LIPG: variants seen among roughly 807,000 people sequenced by gnomAD.
LIPG encodes the protein endothelial lipase.
A neutral mutation model predicts 51.8 loss-of-function variants in LIPG; 34 were observed. That is an observed-to-expected ratio of 0.66 (90% CI 0.50 to 0.87). The LOEUF (loss-of-function observed/expected upper bound fraction) is 0.87. LIPG is among the 40% of genes least tolerant of loss of function. The probability of loss-of-function intolerance (pLI) is 0.00; values close to 1 mark genes in which losing one functional copy is unlikely to be tolerated. For missense variants in LIPG, 580 were observed against 652.7 expected, an observed-to-expected ratio of 0.89 and a Z score of 1.21; for synonymous variants, 246 against 246.1, an observed-to-expected ratio of 1.00 and a Z score of 0.00.
intron 4 of LIPG, among the ~76,000 whole-genome samples, chr18:49,572,845 G>A (rs902739682): frequency 6.6e-6 from 1 of 152,130 alleles, no homozygotes; most frequent in Non-Finnish European, 1.5e-5. Flanking sequence ...TGCTCCATTT[G>A]CTGGACAAAG....
chr18:49,579,932 C>T (rs537035685), intron 5 of LIPG, among the ~76,000 whole-genome samples: 1 of 152,100 alleles, frequency 6.6e-6, no homozygotes, highest in Non-Finnish European at 1.5e-5. Flanking sequence ...CCTGCTTCAG[C>T]CTCCCAAGTA....
chr18:49,575,191 G>T (rs1175638210), intron 4 of LIPG, among the ~76,000 whole-genome samples, 178 bp from the exon 5 acceptor site: 1 of 152,152 alleles, frequency 6.6e-6, no homozygotes, highest in East Asian at 1.9e-4. Flanking sequence ...GATGTCTTGG[G>T]GTCAACTGCA....
At chr18:49,566,452 G>A (rs1004222250) in intron 2 of LIPG, among the ~76,000 whole-genome samples, 1 of 152,196 alleles carries the variant, frequency 6.6e-6, no homozygotes, top group African/African-American at 2.4e-5. Flanking sequence ...ACTTGGAACA[G>A]CAGTTTCCCA....
chr18:49,590,209 A>C, intron 9 of LIPG: 78 of 345,438 alleles, frequency 2.3e-4, no homozygotes, highest in East Asian at 5.3e-4. Context: ...GTGTGTGTGT[A>C]TGTTGTGGGT....
chr18:49,563,714 G>C (rs1446805915), intron 1 of LIPG, among the ~76,000 whole-genome samples: 1 of 152,022 alleles, frequency 6.6e-6, no homozygotes, highest in Non-Finnish European at 1.5e-5. Flanking sequence ...AGAGCTGAAG[G>C]GGGTGAGAGA....
intron 8 of LIPG, among the ~76,000 whole-genome samples, chr18:49,585,060 T>G (rs1354442748): frequency 6.6e-6 from 1 of 152,194 alleles, no homozygotes; most frequent in South Asian, 2.1e-4. Context: ...TTTATACACT[T>G]TGTACTTACT....
At chr18:49,561,846 A>C, upstream of LIPG, 7 of 1,254,178 alleles carry the variant, frequency 5.6e-6, no homozygotes, top group Non-Finnish European at 7.0e-6. Context: ...CTGCCTGCGG[A>C]GCGGGCCCGG....
chr18:49,582,685 G>A (rs555817066), intron 7 of LIPG, among the ~76,000 whole-genome samples: 14 of 152,306 alleles, frequency 9.2e-5, no homozygotes, highest in African/African-American at 2.9e-4. Flanking sequence ...TCAGCGTTTC[G>A]GGGAGAAAAG....
chr18:49,577,954 G>T (rs59677798), intron 5 of LIPG, among the ~76,000 whole-genome samples: 3 of 120,216 alleles, frequency 2.5e-5, no homozygotes, highest in Admixed American at 2.3e-4. Context: ...TGGACGGGGC[G>T]GCTGGCCGGG....
At chr18:49,582,832 C>A (rs763012776) in intron 7 of LIPG, among the ~76,000 whole-genome samples, 1 of 152,240 alleles carries the variant, frequency 6.6e-6, no homozygotes, top group East Asian at 1.9e-4. Context: ...CATCCCTGGA[C>A]CTCTCCTAAT....
In LIPG at chr18:49,591,821, G is replaced by A. The variant is rs995021441; in HGVS notation, c.*1299G>A. 1 of 152,202 alleles carries A rather than the reference G, an allele frequency of 6.6e-6. No homozygotes were observed. Among genetic ancestry groups the A allele is most frequent in the African/African-American group, 2.4e-5 (1 of 41,448 alleles). The allele number at this position is 152,202 out of a possible 1,614,324, so 9.4% of individuals were successfully genotyped here. ...CCCTATTTTACAAAACTGAGGCTTA[G>A]TGAGGTTCAGCCACATGCCTAGACT... On this transcript the variant is annotated 3_prime_UTR_variant, in exon 10 of 10. Coordinates refer to ENST00000261292, the MANE Select transcript of LIPG (RefSeq NM_006033.4).
intron 8 of LIPG, among the ~76,000 whole-genome samples, chr18:49,586,387 G>A (rs1223108036): frequency 6.6e-6 from 1 of 152,190 alleles, no homozygotes; most frequent in Non-Finnish European, 1.5e-5. Context: ...ATTTATATAA[G>A]GACATACTTT....
intron 8 of LIPG, 115 bp from the exon 9 acceptor site, chr18:49,586,631 G>A: frequency 1.3e-6 from 1 of 753,914 alleles, no homozygotes; most frequent in Non-Finnish European, 2.4e-6. Flanking sequence ...TTTGAGTCGG[G>A]GCATGGCATG....
intron 9 of LIPG, among the ~76,000 whole-genome samples, chr18:49,588,857 A>G (rs1288017747): frequency 6.6e-6 from 1 of 152,104 alleles, no homozygotes; most frequent in Non-Finnish European, 1.5e-5. Flanking sequence ...TGCTCTAACA[A>G]GGGTACTAGA....
chr18:49,573,789 G>A (rs924998068), intron 4 of LIPG, among the ~76,000 whole-genome samples: 15 of 152,124 alleles, frequency 9.9e-5, no homozygotes, highest in East Asian at 1.9e-4. Context: ...GAACACGGTC[G>A]TTAACCATGT....
intron 8 of LIPG, among the ~76,000 whole-genome samples, chr18:49,584,148 T>A (rs1011690045): frequency 6.6e-6 from 1 of 152,166 alleles, no homozygotes; most frequent in East Asian, 1.9e-4. Context: ...AGGCTTTGCT[T>A]GCTTCTGAGC....
intron 5 of LIPG, among the ~76,000 whole-genome samples, chr18:49,578,826 GC>G (rs1568532208): frequency 6.6e-6 from 1 of 151,086 alleles, no homozygotes; most frequent in Non-Finnish European, 1.5e-5. Context: ...CTGGAGACCG[GC>G]CCGGCCAACA....
At chr18:49,561,849 G>A (rs1315168877), upstream of LIPG, 1 of 1,253,170 alleles carries the variant, frequency 8.0e-7, no homozygotes, top group Non-Finnish European at 1.0e-6. Context: ...CCTGCGGAGC[G>A]GGCCCGGGAG....
chr18:49,585,728 A>G (rs1389366611), intron 8 of LIPG, among the ~76,000 whole-genome samples: 4 of 152,284 alleles, frequency 2.6e-5, no homozygotes, highest in Middle Eastern at 3.4e-3. Flanking sequence ...TCCAGCTTGA[A>G]CAGATATTGT....
Sources: gnomAD v4.1 joint callset for allele counts (sites outside exome capture counted in the v4.1 genomes callset) on GRCh38, gnomAD v4.1.1 for gene constraint, MANE v1.5 for transcripts, NCBI Gene and HGNC (gene_info 2026-07-23, HGNC 2026-07-21) for gene names.